Variants in ARHGEF33 observed in about 807,000 individuals in gnomAD.
ARHGEF33 encodes the protein DH and coiled-coil domain-containing protein ENSP00000381780.
Under a neutral mutation model 101.9 loss-of-function variants are expected in ARHGEF33, and 72 were observed. The observed-to-expected ratio is 0.71, with a 90% CI of 0.58 to 0.86. The LOEUF is 0.86. Ranked by LOEUF, ARHGEF33 falls within the 40% of genes least tolerant of loss-of-function variation. ARHGEF33 has a pLI of 0.00. For synonymous variants in ARHGEF33, 499 were observed against 442.5 expected (o/e 1.13, Z -1.60); for missense variants, 1,169 against 1,111.3 (o/e 1.05, Z -0.74).
intron 13 of ARHGEF33, among the ~76,000 whole-genome samples, 199 bp from the exon 14 acceptor site, chr2:38,956,700 G>C (rs1490674950): frequency 1.3e-5 from 2 of 152,222 alleles, no homozygotes; most frequent in African/African-American, 2.4e-5. Context: ...GTACGATAGT[G>C]ACTTATTTTC....
chr2:38,922,780 G>T (rs1666790137), intron 4 of ARHGEF33, among the ~76,000 whole-genome samples: 1 of 152,190 alleles, frequency 6.6e-6, no homozygotes, highest in Non-Finnish European at 1.5e-5. Context: ...ACAATTCTGT[G>T]GGGAAGGGAT....
chr2:38,960,430 C>G lies in ARHGEF33; in HGVS notation c.2125C>G (p.Leu709Val). The change falls in exon 16 of 18, where the codon CTC (leucine) becomes GTC (valine). Residue 709 changes from leucine to valine, a missense_variant. Coordinates refer to ENST00000409978, the MANE Select transcript of ARHGEF33 (RefSeq NM_001145451.5). The stretch of plus-strand genomic sequence containing the variant: ...CAAGGCCAAGCCGCTGAGCCGCTCT[C>G]TCAAAGAGTTCCCGCGTGCGCCGCC... ...HGKAKPLSRS[L>V]KEFPRAPPAD... 1 of 1,509,028 alleles carries G rather than the reference C, an allele frequency of 6.6e-7. No individual in the cohort carries two copies. Among genetic ancestry groups the G allele is most frequent in the Non-Finnish European group, 8.8e-7 (1 of 1,135,590 alleles). The allele number at this position is 1,509,028 out of a possible 1,614,324, so 93.5% of individuals were successfully genotyped here.
intron 2 of ARHGEF33, among the ~76,000 whole-genome samples, chr2:38,896,426 C>T (rs551174170): frequency 1.1e-4 from 16 of 152,354 alleles, no homozygotes; most frequent in African/African-American, 3.8e-4. Flanking sequence ...GTGTGAGCCA[C>T]TGCGCTCAGC....
At chr2:38,971,387 C>T (rs1668164404) in intron 17 of ARHGEF33, among the ~76,000 whole-genome samples, 1 of 152,188 alleles carries the variant, frequency 6.6e-6, no homozygotes, top group Non-Finnish European at 1.5e-5. Context: ...GAGTGTTTGC[C>T]TGTCCCTACA....
chr2:38,919,253 G>T (rs1249394441), intron 2 of ARHGEF33, 110 bp from the exon 3 acceptor site: 1 of 539,884 alleles, frequency 1.9e-6, no homozygotes. Context: ...TTCTGAAATT[G>T]CATGTACCTC....
chr2:38,931,617 TTCTC>T (rs1179516621), intron 7 of ARHGEF33, among the ~76,000 whole-genome samples: 1 of 152,176 alleles, frequency 6.6e-6, no homozygotes, highest in Non-Finnish European at 1.5e-5. Flanking sequence ...GCACCTGTCT[TTCTC>T]TGGAAAACCA....
intron 16 of ARHGEF33, among the ~76,000 whole-genome samples, chr2:38,961,337 GA>G (rs1667933375): frequency 2.0e-5 from 3 of 152,156 alleles, no homozygotes; most frequent in African/African-American, 4.8e-5. Flanking sequence ...AGTGAATGTT[GA>G]GGTATTCTGA....
intron 16 of ARHGEF33, among the ~76,000 whole-genome samples, chr2:38,963,307 C>G (rs1260460186): frequency 1.3e-5 from 2 of 152,156 alleles, no homozygotes; most frequent in Non-Finnish European, 2.9e-5. Flanking sequence ...TTTAAATACT[C>G]TGTATATCTT....
chr2:38,957,347 T>C (rs1365047153), intron 14 of ARHGEF33, among the ~76,000 whole-genome samples: 1 of 152,204 alleles, frequency 6.6e-6, no homozygotes, highest in African/African-American at 2.4e-5. Flanking sequence ...GGTTCAAAAC[T>C]GCAGTTAAAA....
intron 3 of ARHGEF33, among the ~76,000 whole-genome samples, 191 bp downstream of exon 3, chr2:38,919,663 T>C (rs1666713001): frequency 6.6e-6 from 1 of 152,184 alleles, no homozygotes; most frequent in Non-Finnish European, 1.5e-5. Context: ...TTGGTCTGTG[T>C]TGTTACTTTA....
intron 4 of ARHGEF33, among the ~76,000 whole-genome samples, chr2:38,923,704 G>A (rs1666809367): frequency 6.6e-6 from 1 of 152,142 alleles, no homozygotes; most frequent in African/African-American, 2.4e-5. Context: ...GAGCCAAGAG[G>A]TCTCATGCAG....
At chr2:38,913,635 G>A (rs902880278) in intron 2 of ARHGEF33, among the ~76,000 whole-genome samples, 3 of 151,940 alleles carry the variant, frequency 2.0e-5, no homozygotes, top group African/African-American at 7.2e-5. Flanking sequence ...AATTAGCTGG[G>A]CGTGGTGGCG....
intron 4 of ARHGEF33, among the ~76,000 whole-genome samples, chr2:38,922,177 G>A (rs562354582): frequency 7.8e-4 from 119 of 152,244 alleles, no homozygotes; most frequent in African/African-American, 2.7e-3. Flanking sequence ...TAATATAAAA[G>A]CAGCTTGGGC....
Position 38,959,822 on chromosome 2 carries a change from C to T in ARHGEF33, c.1536-19C>T. 2 of 1,526,788 alleles carry T rather than the reference C, an allele frequency of 1.3e-6. No individual in the cohort carries two copies. The highest frequency in any genetic ancestry group is 1.8e-6 in the Non-Finnish European group (2 of 1,132,454). 94.6% of individuals were successfully genotyped at this position (1,526,788 alleles called of 1,614,324 possible). A position where few individuals can be genotyped will look rare whatever the true frequency, so the allele number is the denominator to read the frequency against. ...CGGCCGTAAGCACAGCTCTTTTGTA[C>T]TCTGTTTTCCCCCTAAAGACATCTG... On this transcript the variant is annotated intron_variant, in intron 15 of 17. Coordinates refer to ENST00000409978, the MANE Select transcript of ARHGEF33 (RefSeq NM_001145451.5).
intron 9 of ARHGEF33, among the ~76,000 whole-genome samples, chr2:38,937,818 A>G (rs1047063377): frequency 2.6e-5 from 4 of 152,208 alleles, no homozygotes; most frequent in East Asian, 1.9e-4. Flanking sequence ...GGGGGAAGGC[A>G]TAAGGTTGGT....
At chr2:38,964,280 A>T (rs1668007326) in intron 16 of ARHGEF33, among the ~76,000 whole-genome samples, 1 of 152,098 alleles carries the variant, frequency 6.6e-6, no homozygotes, top group Non-Finnish European at 1.5e-5. Context: ...ATTATCTCAA[A>T]CCTACTTTTA....
intron 14 of ARHGEF33, 79 bp downstream of exon 14, chr2:38,957,126 T>A (rs2124419420): frequency 6.7e-7 from 1 of 1,488,968 alleles, no homozygotes; most frequent in African/African-American, 1.4e-5. Context: ...ACGTTGTGTG[T>A]TAAGTACCTG....
intron 1 of ARHGEF33, among the ~76,000 whole-genome samples, chr2:38,894,661 C>T (rs1174458014): frequency 1.3e-5 from 2 of 152,098 alleles, no homozygotes; most frequent in African/African-American, 4.8e-5. Flanking sequence ...TGATGTTCAG[C>T]CAGCAGGAAC....
Position 38,956,990 on chromosome 2 carries a change from C to G in ARHGEF33, c.1313C>G (p.Thr438Ser). 1 of 1,552,208 alleles carries G rather than the reference C, an allele frequency of 6.4e-7. No homozygotes were observed. Among genetic ancestry groups the G allele is most frequent in the African/African-American group, 1.4e-5 (1 of 73,158 alleles). ...QRLRVFISHYTLLFQCNEDLL... is the reference protein window; with the variant it reads ...QRLRVFISHYSLLFQCNEDLL... ...CTCCGAGTATTTATCTCACACTACA[C>G]CCTGCTGTTTCAATGCAATGAAGAT... Residue 438 changes from threonine to serine, a missense_variant, in exon 14 of 18, where the codon ACC (threonine) becomes AGC (serine). Thr to Ser is a moderately conservative substitution (Grantham distance 58). Transcript: ENST00000409978.
Sources: gnomAD v4.1 joint callset for allele counts (sites outside exome capture counted in the v4.1 genomes callset) on GRCh38, gnomAD v4.1.1 for gene constraint, MANE v1.5 for transcripts, NCBI Gene and HGNC (gene_info 2026-07-23, HGNC 2026-07-21) for gene names.